Variants in LHFPL3 observed in about 807,000 individuals in gnomAD.
LHFPL3 encodes LHFPL tetraspan subfamily member 3 protein.
LHFPL3 carries 5 observed loss-of-function variants against 19.3 expected under a neutral mutation model. That is an observed-to-expected ratio of 0.26 (90% CI 0.14 to 0.54). LHFPL3 has a LOEUF of 0.54. Among genes scored for constraint, LHFPL3 ranks in the 20% least tolerant of loss-of-function variants. The probability of loss-of-function intolerance (pLI) is 0.94; values close to 1 mark genes in which losing one functional copy is unlikely to be tolerated. For missense variants in LHFPL3, 249 were observed against 307.4 expected (o/e 0.81, Z 1.42); for synonymous variants, 133 against 126.2 (o/e 1.05, Z -0.36).
intron 1 of LHFPL3, among the ~76,000 whole-genome samples, chr7:104,612,714 T>C (rs1791234274): frequency 6.6e-6 from 1 of 152,188 alleles, no homozygotes; most frequent in South Asian, 2.1e-4. Flanking sequence ...AATCATGTAA[T>C]TGTGGGCCAA....
intron 1 of LHFPL3, among the ~76,000 whole-genome samples, chr7:104,426,056 T>C (rs1169839662): frequency 6.6e-6 from 1 of 152,228 alleles, no homozygotes; most frequent in East Asian, 1.9e-4. Context: ...ACACACACAG[T>C]AGTGTAAAAT....
intron 1 of LHFPL3, among the ~76,000 whole-genome samples, chr7:104,356,855 C>T (rs1403676093): frequency 6.6e-6 from 1 of 152,208 alleles, no homozygotes; most frequent in Non-Finnish European, 1.5e-5. Context: ...CGGACTGGTA[C>T]TGGTCATGGC....
intron 2 of LHFPL3, among the ~76,000 whole-genome samples, chr7:104,769,605 T>C (rs1183936866): frequency 1.1e-4 from 17 of 150,734 alleles, no homozygotes; most frequent in Non-Finnish European, 2.1e-4. Context: ...CTGTCCCTCT[T>C]TTAGCCCCCC....
chr7:104,394,297 A>G (rs1370548362), intron 1 of LHFPL3, among the ~76,000 whole-genome samples: 2 of 152,228 alleles, frequency 1.3e-5, no homozygotes, highest in African/African-American at 4.8e-5. Flanking sequence ...CCCAGGTTGC[A>G]TCTGTGCCTC....
chr7:104,739,951 T>G (rs549413388), intron 2 of LHFPL3, among the ~76,000 whole-genome samples: 1 of 152,320 alleles, frequency 6.6e-6, no homozygotes, highest in South Asian at 2.1e-4. Flanking sequence ...TCATCTTAAA[T>G]TGTAATCCAA....
chr7:104,380,285 A>G (rs1372965005), intron 1 of LHFPL3, among the ~76,000 whole-genome samples: 1 of 152,180 alleles, frequency 6.6e-6, no homozygotes, highest in African/African-American at 2.4e-5. Context: ...ATTTAAAATA[A>G]TGTACTTGTA....
intron 1 of LHFPL3, among the ~76,000 whole-genome samples, chr7:104,505,737 T>C (rs1390977939): frequency 5.9e-5 from 9 of 152,224 alleles, no homozygotes; most frequent in Non-Finnish European, 1.0e-4. Flanking sequence ...TATGAATAAA[T>C]GCAATTAATG....
chr7:104,874,668 CA>C (rs1791903721), intron 2 of LHFPL3, among the ~76,000 whole-genome samples: 1 of 152,064 alleles, frequency 6.6e-6, no homozygotes, highest in African/African-American at 2.4e-5. Context: ...CTCGGCTGCC[CA>C]AAGTGCTGGG....
intron 2 of LHFPL3, among the ~76,000 whole-genome samples, chr7:104,800,236 G>A (rs557060406): frequency 8.4e-4 from 128 of 152,160 alleles, no homozygotes; most frequent in Admixed American, 7.7e-3. Context: ...TTATTTGAAC[G>A]GCAAGATGAA....
At chr7:104,619,199 A>C (rs772303337) in intron 1 of LHFPL3, among the ~76,000 whole-genome samples, 1 of 152,188 alleles carries the variant, frequency 6.6e-6, no homozygotes, top group East Asian at 1.9e-4. Context: ...TTATTGTTCT[A>C]CAGTTGCAGC....
In LHFPL3 at chr7:104,556,359, G is replaced by A. The variant is rs1789833508; in HGVS notation, c.446-180316G>A. Among the ~76,000 whole-genome samples, 4 of 152,300 alleles carry A rather than the reference G, an allele frequency of 2.6e-5. No individual in the cohort carries two copies. In the South Asian group the frequency reaches 6.2e-4, roughly 24 times the overall value. Reference sequence around the variant, plus strand: ...GTTTCCATATATCCTCTGAAATCTAGGCAGAGGTTCCCAAACCTCAATTCT... The same window carrying A: ...GTTTCCATATATCCTCTGAAATCTAAGCAGAGGTTCCCAAACCTCAATTCT... On this transcript the variant is annotated intron_variant, in intron 1 of 2. Coordinates refer to ENST00000424859, the MANE Select transcript of LHFPL3 (RefSeq NM_199000.3).
chr7:104,539,985 T>C (rs962691052), intron 1 of LHFPL3, among the ~76,000 whole-genome samples: 1 of 152,046 alleles, frequency 6.6e-6, no homozygotes, highest in African/African-American at 2.4e-5. Flanking sequence ...AGGCAGAGTG[T>C]TATAGGAATG....
chr7:104,502,398 T>C (rs1030876146), intron 1 of LHFPL3, among the ~76,000 whole-genome samples: 7 of 151,354 alleles, frequency 4.6e-5, no homozygotes, highest in Admixed American at 6.6e-5. Context: ...AAAGCTATTA[T>C]GCTTACTACC....
At chr7:104,824,473 A>C (rs1481407722) in intron 2 of LHFPL3, among the ~76,000 whole-genome samples, 6 of 61,672 alleles carry the variant, frequency 9.7e-5, no homozygotes, top group African/African-American at 1.3e-4. Flanking sequence ...TATATATAAT[A>C]TATAATTATA....
chr7:104,614,600 T>C (rs1274224728), intron 1 of LHFPL3, among the ~76,000 whole-genome samples: 2 of 113,168 alleles, frequency 1.8e-5, no homozygotes, highest in African/African-American at 7.9e-5. Flanking sequence ...TCTCTTCTCT[T>C]CTCTTCTCTT....
chr7:104,687,341 C>G lies in LHFPL3; in HGVS notation c.446-49334C>G, dbSNP rs543846846. 2.4e-4 allele frequency among the ~76,000 whole-genome samples: 37 copies of G among 152,346 alleles called. No homozygotes were observed. The South Asian group carries it at 6.4e-3, about 26-fold the overall frequency. On this transcript the variant is annotated intron_variant, in intron 1 of 2. Transcript: ENST00000424859. Reference sequence around the variant, plus strand: ...CAGGAGACTTCATGTGTTCAGCTATCTGGAAGCTTTCAGAACTCAGTCTTT... The same window carrying G: ...CAGGAGACTTCATGTGTTCAGCTATGTGGAAGCTTTCAGAACTCAGTCTTT...
chr7:104,592,051 T>A (rs1008505651), intron 1 of LHFPL3, among the ~76,000 whole-genome samples: 18 of 152,204 alleles, frequency 1.2e-4, no homozygotes, highest in Admixed American at 5.9e-4. Flanking sequence ...TTCTTTGCGA[T>A]GGGTTCGAAC....
rs1792009203 is a variant in LHFPL3 at position 104,879,587 on chromosome 7, T to C, written c.683-26600T>C. ...AAAATTTTAAAAAATTAGTTGGGTATGGTGGCACACACTTGTAGTCCTAGC... is the reference window on the plus strand; with the variant it reads ...AAAATTTTAAAAAATTAGTTGGGTACGGTGGCACACACTTGTAGTCCTAGC... On this transcript the variant is annotated intron_variant, in intron 2 of 2. Coordinates refer to ENST00000424859, the MANE Select transcript of LHFPL3 (RefSeq NM_199000.3). Among the ~76,000 whole-genome samples, 4 of 152,128 alleles carry C rather than the reference T, an allele frequency of 2.6e-5. No homozygotes were observed. In the South Asian group the frequency reaches 8.3e-4, roughly 32 times the overall value.
intron 2 of LHFPL3, among the ~76,000 whole-genome samples, chr7:104,903,348 T>C (rs1432729928): frequency 1.3e-5 from 2 of 152,090 alleles, no homozygotes; most frequent in Admixed American, 6.6e-5. Flanking sequence ...ATTAGGAGTG[T>C]ACTTACTTGA....
Sources: gnomAD v4.1 joint callset for allele counts (sites outside exome capture counted in the v4.1 genomes callset) on GRCh38, gnomAD v4.1.1 for gene constraint, MANE v1.5 for transcripts, NCBI Gene and HGNC (gene_info 2026-07-23, HGNC 2026-07-21) for gene names.